The following LEF1 variants were observed in gnomAD, a reference collection of about 807,000 sequenced individuals.
The protein encoded by LEF1 is lymphoid enhancer-binding factor 1.
LEF1 carries 14 observed loss-of-function variants against 51.2 expected under a neutral mutation model. That is an observed-to-expected ratio of 0.27 (90% CI 0.18 to 0.43). The LOEUF (loss-of-function observed/expected upper bound fraction) is 0.43, where lower values mean the gene tolerates loss of function less well. LEF1 is among the 20% of genes least tolerant of loss of function. The pLI, the probability that LEF1 is intolerant of heterozygous loss-of-function variation, is 1.00. For synonymous variants in LEF1, 185 were observed against 183.2 expected (o/e 1.01, Z -0.08); for missense variants, 386 against 512.0 (o/e 0.75, Z 2.37).
intron 3 of LEF1, among the ~76,000 whole-genome samples, chr4:108,109,608 G>A (rs1240913824): frequency 6.6e-6 from 1 of 152,212 alleles, no homozygotes; most frequent in African/African-American, 2.4e-5. Flanking sequence ...CAAGTACTAT[G>A]TAAGTGTTAA....
At position 108,162,595 on chromosome 4, in the gene LEF1, C is replaced by T. The variant is rs150673413; in HGVS notation, c.414+973G>A. Among the ~76,000 whole-genome samples, 663 of 152,188 alleles carry T rather than the reference C, an allele frequency of 4.4e-3. 4 individuals are homozygous for T. The highest frequency in any genetic ancestry group is 0.015 in the African/African-American group (625 of 41,540). ...GCAAGTAAGTCAAACACTATAGGTT[C>T]CATTTTACAATCTGAGATTTGACCT... On this transcript the variant is annotated intron_variant, in intron 3 of 11. Transcript: ENST00000265165.
intron 3 of LEF1, among the ~76,000 whole-genome samples, chr4:108,157,166 C>CTATATA (rs1242263842): frequency 1.2e-4 from 14 of 116,176 alleles, no homozygotes; most frequent in South Asian, 2.7e-4. Context: ...CTCTCTCTCT[C>CTATATA]TCTATATATA....
intron 7 of LEF1, among the ~76,000 whole-genome samples, chr4:108,078,746 C>T (rs1486140742): frequency 1.3e-5 from 2 of 152,200 alleles, no homozygotes; most frequent in Non-Finnish European, 2.9e-5. Flanking sequence ...TCAGAAGAAG[C>T]TGAACACACA....
chr4:108,119,168 G>A (rs745817729), intron 3 of LEF1, among the ~76,000 whole-genome samples: 3 of 145,852 alleles, frequency 2.1e-5, no homozygotes, highest in Non-Finnish European at 3.0e-5. Context: ...TCCCACATAC[G>A]AGATAAAAGT....
intron 3 of LEF1, among the ~76,000 whole-genome samples, chr4:108,124,669 A>G (rs763290444): frequency 6.6e-6 from 1 of 152,204 alleles, no homozygotes; most frequent in Non-Finnish European, 1.5e-5. Flanking sequence ...CGCCCGGAAC[A>G]TGAACATTGC....
At chr4:108,108,691 T>C (rs920033992) in intron 3 of LEF1, among the ~76,000 whole-genome samples, 1 of 152,106 alleles carries the variant, frequency 6.6e-6, no homozygotes, top group Admixed American at 6.5e-5. Context: ...AAGAAACCAA[T>C]ACAAATCACT....
intron 11 of LEF1, among the ~76,000 whole-genome samples, chr4:108,051,726 CCCCAT>C (rs1374068763): frequency 8.5e-5 from 13 of 152,166 alleles, no homozygotes; most frequent in African/African-American, 3.1e-4. Flanking sequence ...CCCCACCCCA[CCCCAT>C]ATAACCGAAC....
At chr4:108,098,628 A>C (rs943829570) in intron 3 of LEF1, among the ~76,000 whole-genome samples, 1 of 152,196 alleles carries the variant, frequency 6.6e-6, no homozygotes, top group Non-Finnish European at 1.5e-5. Context: ...TTATGTGTAC[A>C]ATTTTGTCCC....
At chr4:108,085,243 C>A (rs996428355) in intron 4 of LEF1, among the ~76,000 whole-genome samples, 1 of 152,208 alleles carries the variant, frequency 6.6e-6, no homozygotes, top group Non-Finnish European at 1.5e-5. Context: ...CGCGTGCCAC[C>A]ATGCCCAATT....
rs370860866 is a variant in LEF1, at chr4:108,049,043, T to C, written c.*7-292A>G. ...TGGTAAACAGAACAAAAAAAAAGTT[T>C]GAAAAACACCAGTAGGAAACAGGCA... On this transcript the variant is annotated intron_variant, in intron 11 of 11. Coordinates refer to ENST00000265165, the MANE Select transcript of LEF1 (RefSeq NM_016269.5). Among the ~76,000 whole-genome samples the C allele has an allele frequency of 1.3e-3, 196 of 152,274 alleles. 1 individual carries two copies. The highest frequency in any genetic ancestry group is 4.5e-3 in the African/African-American group (185 of 41,556).
intron 6 of LEF1, 83 bp from the exon 7 acceptor site, chr4:108,079,697 C>A (rs1739157569): frequency 7.2e-7 from 1 of 1,387,284 alleles, no homozygotes; most frequent in African/African-American, 1.4e-5. Flanking sequence ...AATCCACTAA[C>A]TGCTACTGGC....
intron 2 of LEF1, 116 bp downstream of exon 2, chr4:108,164,980 TG>T: frequency 1.3e-6 from 1 of 747,492 alleles, no homozygotes; most frequent in Non-Finnish European, 2.3e-6. Context: ...ATTAAAATAG[TG>T]GGCATAGTCT....
intron 3 of LEF1, among the ~76,000 whole-genome samples, chr4:108,157,264 G>C (rs574819556): frequency 6.7e-6 from 1 of 149,952 alleles, no homozygotes; most frequent in Non-Finnish European, 1.5e-5. Context: ...GCAATGGTGC[G>C]ATCTGGGCTC....
chr4:108,139,744 C>A (rs1371599457), intron 3 of LEF1, among the ~76,000 whole-genome samples: 1 of 152,038 alleles, frequency 6.6e-6, no homozygotes, highest in Non-Finnish European at 1.5e-5. Context: ...AGCTGTAAAA[C>A]AATTGAGTAA....
intron 11 of LEF1, among the ~76,000 whole-genome samples, chr4:108,062,982 T>G (rs1560760336): frequency 6.6e-6 from 1 of 151,976 alleles, no homozygotes; most frequent in Non-Finnish European, 1.5e-5. Context: ...AAATAAAAAA[T>G]TATAGTAAAA....
chr4:108,077,143 A>G (rs1738916703), intron 8 of LEF1, among the ~76,000 whole-genome samples: 1 of 151,934 alleles, frequency 6.6e-6, no homozygotes, highest in Non-Finnish European at 1.5e-5. Context: ...GTTTGAGACC[A>G]GCCTGGGCAG....
intron 6 of LEF1, among the ~76,000 whole-genome samples, chr4:108,080,246 A>G (rs190366491): frequency 2.0e-4 from 31 of 152,342 alleles, no homozygotes; most frequent in African/African-American, 7.0e-4. Flanking sequence ...ACGCTTGAAC[A>G]GCATTAAAAA....
At chr4:108,146,755 G>A (rs1321888268) in intron 3 of LEF1, among the ~76,000 whole-genome samples, 1 of 152,114 alleles carries the variant, frequency 6.6e-6, no homozygotes, top group Non-Finnish European at 1.5e-5. Context: ...CTTCATGTTA[G>A]TGTTCAAAGA....
intron 10 of LEF1, among the ~76,000 whole-genome samples, chr4:108,064,100 A>AATC (rs1737889639): frequency 3.3e-5 from 5 of 152,236 alleles, no homozygotes; most frequent in Admixed American, 2.6e-4. Context: ...CCCACAGTTT[A>AATC]CAACCAGGAT....
Sources: gnomAD v4.1 joint callset for allele counts (sites outside exome capture counted in the v4.1 genomes callset) on GRCh38, gnomAD v4.1.1 for gene constraint, MANE v1.5 for transcripts, NCBI Gene and HGNC (gene_info 2026-07-23, HGNC 2026-07-21) for gene names.